Variants in TSPEAR observed in about 807,000 individuals in gnomAD.
TSPEAR encodes the protein thrombospondin type laminin G domain and EAR repeats, also known as thrombospondin-type laminin G domain and EAR repeat-containing protein.
In TSPEAR, 69 loss-of-function variants were observed where a neutral mutation model predicts 71.6. That is an observed-to-expected ratio of 0.96 (90% CI 0.79 to 1.18). TSPEAR has a LOEUF of 1.18. Ranked by LOEUF, TSPEAR falls within the 50% of genes most tolerant of loss-of-function variation. The pLI, the probability that TSPEAR is intolerant of heterozygous loss-of-function variation, is 0.00. For synonymous variants in TSPEAR, 402 were observed against 387.2 expected (o/e 1.04, Z -0.45); for missense variants, 971 against 894.9 (o/e 1.09, Z -1.09).
chr21:44,550,629 G>A, intron 2 of TSPEAR: 1 of 1,587,774 alleles, frequency 6.3e-7, no homozygotes, highest in Non-Finnish European at 8.6e-7. Context: ...GGTGGGCTGG[G>A]AGGTCCAAGG....
chr21:44,567,745 T>G, intron 2 of TSPEAR, 40 bp downstream of exon 2: 1 of 1,499,990 alleles, frequency 6.7e-7, no homozygotes, highest in Non-Finnish European at 9.0e-7. Context: ...CAAGGGAAAA[T>G]TACGCTATTA....
chr21:44,600,742 T>G (rs1980758714), intron 1 of TSPEAR: 1 of 1,611,306 alleles, frequency 6.2e-7, no homozygotes, highest in East Asian at 2.2e-5. Flanking sequence ...CCCAGAGAGC[T>G]GCTGCGAGCC....
chr21:44,706,293 G>GTGTACACGCA (rs1296661648), intron 1 of TSPEAR, among the ~76,000 whole-genome samples: 1 of 152,192 alleles, frequency 6.6e-6, no homozygotes, highest in Non-Finnish European at 1.5e-5. Context: ...GCGCAGCTGT[G>GTGTACACGCA]TGTACACGCA....
chr21:44,532,761 T>A (rs587634763), intron 3 of TSPEAR, among the ~76,000 whole-genome samples: 1 of 152,366 alleles, frequency 6.6e-6, no homozygotes, highest in Non-Finnish European at 1.5e-5. Flanking sequence ...TGAGGACTCC[T>A]GTCCAGGGGA....
chr21:44,592,694 T>G (rs1980070123), intron 1 of TSPEAR, among the ~76,000 whole-genome samples: 1 of 152,112 alleles, frequency 6.6e-6, no homozygotes, highest in Admixed American at 6.5e-5. Flanking sequence ...CTGTGTCCCA[T>G]CCCATGTGGA....
At chr21:44,651,702 T>C (rs1984802384) in intron 1 of TSPEAR, among the ~76,000 whole-genome samples, 1 of 152,044 alleles carries the variant, frequency 6.6e-6, no homozygotes. Context: ...CACCTTATGG[T>C]CCACACATAT....
rs587640221 is a variant in TSPEAR, at chr21:44,499,436, C to T, written c.*347G>A. 311 of 257,226 alleles carry T rather than the reference C, an allele frequency of 1.2e-3. 2 individuals carry two copies. Among genetic ancestry groups the T allele is most frequent in the African/African-American group, 6.6e-3 (288 of 43,644 alleles). The allele number at this position is 257,226 out of a possible 1,614,324, so 15.9% of individuals were successfully genotyped here. On this transcript the variant is annotated 3_prime_UTR_variant, in exon 12 of 12. Transcript: ENST00000323084. ...CAGGAGTGGCTGGCGAGAGGCCAGC[C>T]GCAGGGACATGAACCGAGGTCCTGT...
At chr21:44,707,184 C>T (rs1012469933) in intron 1 of TSPEAR, among the ~76,000 whole-genome samples, 9 of 152,012 alleles carry the variant, frequency 5.9e-5, no homozygotes, top group African/African-American at 2.2e-4. Flanking sequence ...GGGATTAGGA[C>T]GGGGGTGACA....
Position 44,531,065 on chromosome 21 carries a change from C to T in TSPEAR, c.611G>A (p.Arg204Lys). The T allele has an allele frequency of 6.2e-7, 1 of 1,613,668 alleles. No individual in the cohort carries two copies. Among genetic ancestry groups the T allele is most frequent in the African/African-American group, 1.3e-5 (1 of 75,062 alleles). The change falls in exon 4 of 12, where the codon AGG (arginine) becomes AAG (lysine). Residue 204 changes from arginine (R) to lysine (K), a missense_variant. Arg to Lys is a conservative substitution (Grantham distance 26). Transcript: ENST00000323084. ...CGCCATGAACAGGCCTTTGGCTCTCCTCCGGCTGCCGACGAAGAATCGAGC... is the reference window on the plus strand; with the variant it reads ...CGCCATGAACAGGCCTTTGGCTCTCTTCCGGCTGCCGACGAAGAATCGAGC... ...KGARFFVGSRRRAKGLFMGLV... is the reference protein window; with the variant it reads ...KGARFFVGSRKRAKGLFMGLV...
chr21:44,583,238 T>C (rs909711838), intron 1 of TSPEAR, among the ~76,000 whole-genome samples: 4 of 152,136 alleles, frequency 2.6e-5, no homozygotes, highest in Non-Finnish European at 5.9e-5. Context: ...AGGGAGGTGC[T>C]GGGAGGGGAT....
intron 1 of TSPEAR, among the ~76,000 whole-genome samples, chr21:44,610,625 C>A (rs958072163): frequency 6.6e-6 from 1 of 152,198 alleles, no homozygotes; most frequent in African/African-American, 2.4e-5. Flanking sequence ...CACACAGAGT[C>A]CCTACTGGGG....
At chr21:44,614,067 G>A (rs1981908529) in intron 1 of TSPEAR, among the ~76,000 whole-genome samples, 1 of 152,176 alleles carries the variant, frequency 6.6e-6, no homozygotes, top group Non-Finnish European at 1.5e-5. Context: ...CTCACCTGAT[G>A]ACGCCATGAG....
At chr21:44,698,481 C>A (rs577928061) in intron 1 of TSPEAR, among the ~76,000 whole-genome samples, 1 of 152,354 alleles carries the variant, frequency 6.6e-6, no homozygotes, top group Admixed American at 6.5e-5. Flanking sequence ...GCCGTCCCCA[C>A]CCCAGCCCAG....
At chr21:44,502,940 T>TTG (rs2052067865) in intron 11 of TSPEAR, among the ~76,000 whole-genome samples, 2 of 55,508 alleles carry the variant, frequency 3.6e-5, no homozygotes, top group African/African-American at 1.1e-4. Context: ...CAGTGAGCCC[T>TTG]CGGGGAAGCA....
intron 9 of TSPEAR, among the ~76,000 whole-genome samples, chr21:44,511,272 A>C (rs2052366763): frequency 6.7e-6 from 1 of 149,812 alleles, no homozygotes; most frequent in South Asian, 2.1e-4. Flanking sequence ...ATGTATGCAT[A>C]CATACACAAA....
At chr21:44,579,825 A>C (rs782332439) in intron 1 of TSPEAR, 1 of 1,610,076 alleles carries the variant, frequency 6.2e-7, no homozygotes, top group Non-Finnish European at 8.5e-7. Context: ...GCCGGGCGGC[A>C]GCAGCTGGCC....
intron 1 of TSPEAR, among the ~76,000 whole-genome samples, chr21:44,606,519 G>T (rs8134976): frequency 6.6e-6 from 1 of 152,016 alleles, no homozygotes; most frequent in Non-Finnish European, 1.5e-5. Context: ...TCCCACTTCT[G>T]GTTTTATATC....
chr21:44,547,724 C>CA (rs2053324242), intron 2 of TSPEAR, among the ~76,000 whole-genome samples: 2 of 152,302 alleles, frequency 1.3e-5, no homozygotes, highest in South Asian at 4.1e-4. Context: ...TATTGGTCCA[C>CA]ACCCCCCAGC....
chr21:44,518,874 CAG>C (rs1427880731), intron 9 of TSPEAR: 33 of 356,620 alleles, frequency 9.3e-5, no homozygotes, highest in East Asian at 5.3e-4. Context: ...ACGTTCATGT[CAG>C]GGCACCAGTA....
Sources: allele counts gnomAD v4.1 joint callset (sites outside exome capture counted in the v4.1 genomes callset), GRCh38; gene constraint gnomAD v4.1.1; transcripts MANE v1.5; gene names NCBI Gene and HGNC (gene_info 2026-07-23, HGNC 2026-07-21).